Variants in UGT1A8 observed in about 807,000 individuals in gnomAD.
UGT1A8 encodes the protein UDP-glucuronosyltransferase 1A8.
Under a neutral mutation model 45.3 loss-of-function variants are expected in UGT1A8, and 39 were observed. The ratio of observed to expected loss-of-function variants is 0.86; its 90% CI spans 0.67 to 1.12. The LOEUF (loss-of-function observed/expected upper bound fraction) is 1.12. Ranked by LOEUF, UGT1A8 falls within the 50% of genes most tolerant of loss-of-function variation. The pLI is 0.00. For missense variants in UGT1A8, 719 were observed against 664.9 expected (o/e 1.08, Z -0.90); for synonymous variants, 275 against 249.2 (o/e 1.10, Z -0.97).
intron 1 of UGT1A8, among the ~76,000 whole-genome samples, chr2:233,673,144 T>C (rs2074251939): frequency 6.6e-6 from 1 of 152,208 alleles, no homozygotes; most frequent in South Asian, 2.1e-4. Flanking sequence ...AACATTCTTT[T>C]AATGTTTTTA....
intron 1 of UGT1A8, among the ~76,000 whole-genome samples, chr2:233,724,945 C>G (rs1463938035): frequency 1.4e-5 from 2 of 144,514 alleles, no homozygotes; most frequent in African/African-American, 5.3e-5. Context: ...GTCTGCAATC[C>G]CGGCACCTCG....
Position 233,765,767 on chromosome 2 carries a change from G to A in UGT1A8, c.856-1267G>A, listed in dbSNP as rs142459833. Among the ~76,000 whole-genome samples, 585 of 151,822 alleles carry A rather than the reference G, an allele frequency of 3.9e-3. 2 individuals are homozygous for A. The highest frequency in any genetic ancestry group is 0.014 in the African/African-American group (559 of 41,374). On this transcript the variant is annotated intron_variant, in intron 1 of 4. Coordinates refer to ENST00000373450, the MANE Select transcript of UGT1A8 (RefSeq NM_019076.5). ...TAAAGCCATTTGAGAGATTCTTGGG[G>A]GATTCATTGGACCACTGAAAATCTA...
At position 233,669,334 on chromosome 2, in the gene UGT1A8, G is replaced by T. The variant is rs185937571; in HGVS notation, c.855+50772G>T. Among the ~76,000 whole-genome samples the T allele has an allele frequency of 7.1e-4, 107 of 151,656 alleles. 2 individuals carry two copies. Among genetic ancestry groups the T allele is most frequent in the Non-Finnish European group, 5.6e-4 (38 of 67,936 alleles). The stretch of plus-strand genomic sequence containing the variant: ...TCCCTATGAATTTTAGAATCAGTTT[G>T]CCAATTTGTACAAAAAGATAGCCTG... On this transcript the variant is annotated intron_variant, in intron 1 of 4. Transcript: ENST00000373450.
At chr2:233,639,106 C>G (rs1483655236) in intron 1 of UGT1A8, among the ~76,000 whole-genome samples, 2 of 151,916 alleles carry the variant, frequency 1.3e-5, no homozygotes, top group South Asian at 2.1e-4. Context: ...ATATAAAAAC[C>G]TATATATGAT....
At chr2:233,729,435 A>G in intron 1 of UGT1A8, 1 of 1,613,958 alleles carries the variant, frequency 6.2e-7, no homozygotes. Context: ...ACTTTGAAAC[A>G]GAACATTTTC....
At chr2:233,646,503 A>C (rs1367239073) in intron 1 of UGT1A8, among the ~76,000 whole-genome samples, 1 of 152,136 alleles carries the variant, frequency 6.6e-6, no homozygotes, top group African/African-American at 2.4e-5. Flanking sequence ...ACAGCACCCA[A>C]ATCACCTCTT....
At chr2:233,756,056 A>G (rs1035647864) in intron 1 of UGT1A8, 1 of 152,220 alleles carries the variant, frequency 6.6e-6, no homozygotes, top group African/African-American at 2.4e-5. Context: ...TCCACTGTAC[A>G]CTTGTGGGAG....
At chr2:233,729,358 A>G in intron 1 of UGT1A8, 1 of 1,614,176 alleles carries the variant, frequency 6.2e-7, no homozygotes, top group Admixed American at 1.7e-5. Flanking sequence ...TTTCACCCTG[A>G]CAACCTATGC....
rs764890876 is a variant in UGT1A8, at chr2:233,636,592, G to A, written c.855+18030G>A. 106 of 1,614,042 alleles carry A rather than the reference G, an allele frequency of 6.6e-5. No homozygotes were observed. The South Asian group carries it at 9.0e-4, about 14-fold the overall frequency. On this transcript the variant is annotated intron_variant, in intron 1 of 4. Coordinates refer to ENST00000373450, the MANE Select transcript of UGT1A8 (RefSeq NM_019076.5). ...TCTACTGCTGACCTGTGGCTTTGCCGAGGCAGGGAAGCTGCTGGTAGTGCC... is the reference window on the plus strand; with the variant it reads ...TCTACTGCTGACCTGTGGCTTTGCCAAGGCAGGGAAGCTGCTGGTAGTGCC...
At chr2:233,633,418 C>T (rs952166413) in intron 1 of UGT1A8, among the ~76,000 whole-genome samples, 24 of 152,128 alleles carry the variant, frequency 1.6e-4, no homozygotes, top group African/African-American at 2.7e-4. Context: ...TGGTAGAGTT[C>T]GGCTGTGAAC....
At chr2:233,744,235 A>C (rs943816403) in intron 1 of UGT1A8, among the ~76,000 whole-genome samples, 3 of 151,766 alleles carry the variant, frequency 2.0e-5, no homozygotes, top group African/African-American at 4.9e-5. Flanking sequence ...GAGGGCCTTG[A>C]CTTTGGCTGC....
At chr2:233,659,692 C>G (rs913508896) in intron 1 of UGT1A8, among the ~76,000 whole-genome samples, 1 of 152,136 alleles carries the variant, frequency 6.6e-6, no homozygotes, top group Non-Finnish European at 1.5e-5. Context: ...ATCATAATTA[C>G]TGTCTGACAT....
chr2:233,766,395 C>T (rs1305688036), intron 1 of UGT1A8, among the ~76,000 whole-genome samples: 1 of 152,176 alleles, frequency 6.6e-6, no homozygotes, highest in African/African-American at 2.4e-5. Flanking sequence ...GCTGTCCTTG[C>T]GTCCCTCCGC....
chr2:233,742,512 C>A (rs924249262), intron 1 of UGT1A8, among the ~76,000 whole-genome samples: 2 of 151,876 alleles, frequency 1.3e-5, no homozygotes, highest in African/African-American at 4.9e-5. Context: ...ATCATGAACA[C>A]GTCACAGTGC....
intron 1 of UGT1A8, among the ~76,000 whole-genome samples, chr2:233,759,493 G>T (rs1697150879): frequency 6.6e-6 from 1 of 152,220 alleles, no homozygotes; most frequent in South Asian, 2.1e-4. Flanking sequence ...GCTCTTTCAG[G>T]TTCACACTAA....
intron 1 of UGT1A8, among the ~76,000 whole-genome samples, chr2:233,677,982 A>T (rs939472601): frequency 2.0e-5 from 3 of 152,240 alleles, no homozygotes; most frequent in Non-Finnish European, 4.4e-5. Flanking sequence ...TGGAATATGC[A>T]GCCATAAAAA....
chr2:233,672,388 A>G lies in UGT1A8; in HGVS notation c.855+53826A>G, dbSNP rs768335644. ...TGCAGTGTTTCTCGATCCTTTTGAT[A>G]ACTGTGGCTTAATTGTTGCCAAATA... is the stretch of plus-strand genomic sequence containing the variant. On this transcript the variant is annotated intron_variant, in intron 1 of 4. Transcript: ENST00000373450. 2.0e-5 allele frequency: 32 copies of G among 1,613,986 alleles called. 1 individual carries two copies. The highest frequency in any genetic ancestry group is 1.6e-4 in the Middle Eastern group (1 of 6,078).
intron 1 of UGT1A8, among the ~76,000 whole-genome samples, chr2:233,686,724 G>T (rs948109683): frequency 1.3e-5 from 2 of 152,120 alleles, no homozygotes; most frequent in Admixed American, 1.3e-4. Context: ...CGGCTATGAA[G>T]GTCAACCTCT....
chr2:233,672,403 G>C (rs2074225648), intron 1 of UGT1A8: 2 of 1,613,862 alleles, frequency 1.2e-6, no homozygotes. Context: ...TGGCTTAATT[G>C]TTGCCAAATA....
Sources: gnomAD v4.1 joint callset for allele counts (sites outside exome capture counted in the v4.1 genomes callset) on GRCh38, gnomAD v4.1.1 for gene constraint, MANE v1.5 for transcripts, NCBI Gene and HGNC (gene_info 2026-07-23, HGNC 2026-07-21) for gene names.